MROH9: variants seen among roughly 807,000 people sequenced by gnomAD.
MROH9 encodes maestro heat-like repeat-containing protein family member 9.
A neutral mutation model predicts 98.2 loss-of-function variants in MROH9; 92 were observed. The ratio of observed to expected loss-of-function variants is 0.94; its 90% CI spans 0.79 to 1.11. The LOEUF (loss-of-function observed/expected upper bound fraction) is 1.11, where lower values mean the gene tolerates loss of function less well. Among genes scored for constraint, MROH9 ranks in the 50% most tolerant of loss-of-function variants. The probability of loss-of-function intolerance (pLI) is 0.00; values close to 1 mark genes in which losing one functional copy is unlikely to be tolerated. For synonymous variants in MROH9, 397 were observed against 368.9 expected, an observed-to-expected ratio of 1.08 and a Z score of -0.87; for missense variants, 1,057 against 1,014.8, an observed-to-expected ratio of 1.04 and a Z score of -0.57.
At chr1:171,039,356 A>G (rs935040210) in intron 20 of MROH9, among the ~76,000 whole-genome samples, 4 of 152,148 alleles carry the variant, frequency 2.6e-5, no homozygotes, top group Admixed American at 1.3e-4. Context: ...TTTCTCTCTC[A>G]TGCAATAGTC....
intron 11 of MROH9, among the ~76,000 whole-genome samples, chr1:170,991,111 C>T (rs1213171730): frequency 6.6e-6 from 1 of 152,020 alleles, no homozygotes; most frequent in East Asian, 1.9e-4. Context: ...CTAAAAATTG[C>T]CAATAAATCT....
intron 15 of MROH9, among the ~76,000 whole-genome samples, chr1:171,002,095 C>T (rs926971685): frequency 2.6e-5 from 4 of 152,054 alleles, no homozygotes; most frequent in African/African-American, 9.7e-5. Context: ...GCATGAAATC[C>T]CTTTTTCCAT....
intron 14 of MROH9, 40 bp from the exon 15 acceptor site, chr1:170,998,114 T>G (rs1436865038): frequency 6.7e-7 from 1 of 1,485,954 alleles, no homozygotes; most frequent in Non-Finnish European, 9.1e-7. Flanking sequence ...AGCATGGTGT[T>G]TTCTCCTTTG....
In MROH9 at chr1:171,025,352, C is replaced by T. The variant is rs866998262; in HGVS notation, c.2213C>T (p.Thr738Ile). 6.5e-7 allele frequency: 1 copy of T among 1,549,618 alleles called. No individual in the cohort carries two copies. The highest frequency in any genetic ancestry group is 1.7e-4 in the Middle Eastern group (1 of 5,964). ...ISHRNYITDL[T>I]SDTLRFLWSP... ...CATAGGAACTACATTACAGATTTGA[C>T]ATCTGATACCTTACGATTCCTGTGG... Residue 738 changes from threonine to isoleucine, a missense_variant, in exon 20 of 22, where the codon ACA (threonine) becomes ATA (isoleucine). Coordinates refer to ENST00000367759, the MANE Select transcript of MROH9 (RefSeq NM_001163629.2).
At chr1:171,052,136 T>C (rs968088502) in intron 20 of MROH9, among the ~76,000 whole-genome samples, 1 of 152,222 alleles carries the variant, frequency 6.6e-6, no homozygotes, top group African/African-American at 2.4e-5. Flanking sequence ...ATGTTTCCAA[T>C]AATTTACACA....
At chr1:170,946,382 A>G (rs1159542005) in intron 2 of MROH9, among the ~76,000 whole-genome samples, 4 of 152,016 alleles carry the variant, frequency 2.6e-5, no homozygotes, top group African/African-American at 9.7e-5. Flanking sequence ...AAAGACTGCT[A>G]AACTGTTAGA....
intron 14 of MROH9, among the ~76,000 whole-genome samples, chr1:170,997,644 G>T (rs1425181307): frequency 6.6e-6 from 1 of 152,168 alleles, no homozygotes; most frequent in Non-Finnish European, 1.5e-5. Flanking sequence ...AGGCCACCAT[G>T]TCAGTACAAG....
intron 9 of MROH9, among the ~76,000 whole-genome samples, chr1:170,985,744 G>T (rs1397556180): frequency 6.7e-6 from 1 of 149,400 alleles, no homozygotes; most frequent in Non-Finnish European, 1.5e-5. Context: ...TCCAAGCCTT[G>T]GTTACCCCCC....
At chr1:170,966,345 T>C (rs1650234849) in intron 7 of MROH9, among the ~76,000 whole-genome samples, 1 of 152,072 alleles carries the variant, frequency 6.6e-6, no homozygotes, top group African/African-American at 2.4e-5. Context: ...AACCTTATAC[T>C]ACCTATGAAC....
At chr1:171,025,968 T>C (rs185092336) in intron 20 of MROH9, among the ~76,000 whole-genome samples, 2 of 152,304 alleles carry the variant, frequency 1.3e-5, no homozygotes, top group East Asian at 3.9e-4. Context: ...TTATTCTTTA[T>C]TTTGGAATTC....
At chr1:171,010,099 G>A (rs61816860) in intron 15 of MROH9, among the ~76,000 whole-genome samples, 13,921 of 151,920 alleles carry the variant, frequency 0.092, 756 homozygotes, top group Middle Eastern at 0.17. Context: ...CCTTCCCCTA[G>A]CCCCCAACTC....
chr1:170,954,584 C>T (rs776922155), intron 3 of MROH9, among the ~76,000 whole-genome samples: 6 of 151,868 alleles, frequency 4.0e-5, no homozygotes, highest in Non-Finnish European at 8.8e-5. Flanking sequence ...ACTGTTTTCC[C>T]ATGTGGTTGT....
chr1:171,040,159 C>G (rs1330940397), intron 20 of MROH9, among the ~76,000 whole-genome samples: 3 of 151,788 alleles, frequency 2.0e-5, no homozygotes, highest in Non-Finnish European at 4.4e-5. Context: ...TTTAAAAAGT[C>G]AAATAGATAG....
chr1:171,016,239 C>G lies in MROH9; in HGVS notation c.1811C>G (p.Ala604Gly). 6.5e-7 allele frequency: 1 copy of G among 1,540,650 alleles called. No homozygotes were observed. Among genetic ancestry groups the G allele is most frequent in the East Asian group, 2.5e-5 (1 of 40,138 alleles). Reference protein sequence around the residue: ...LSKDDNVVLQALLTLRRLLNE... With the variant: ...LSKDDNVVLQGLLTLRRLLNE... Reference sequence around the variant, plus strand: ...AAAGACGATAATGTTGTACTTCAGGCCTTGCTCACCCTTAGAAGGCTTTTA... The same window carrying G: ...AAAGACGATAATGTTGTACTTCAGGGCTTGCTCACCCTTAGAAGGCTTTTA... Residue 604 changes from alanine (A) to glycine (G), a missense_variant, in exon 17 of 22, where the codon GCC (alanine) becomes GGC (glycine). Ala to Gly is a moderately conservative substitution (Grantham distance 60). Transcript: ENST00000367759.
chr1:170,946,660 A>G (rs1481406563), intron 2 of MROH9, among the ~76,000 whole-genome samples: 1 of 152,044 alleles, frequency 6.6e-6, no homozygotes, highest in African/African-American at 2.4e-5. Flanking sequence ...TCTGAAATAA[A>G]AAGTTATTTT....
chr1:171,009,831 A>G (rs1454563866), intron 15 of MROH9, among the ~76,000 whole-genome samples: 1 of 152,268 alleles, frequency 6.6e-6, no homozygotes, highest in Non-Finnish European at 1.5e-5. Flanking sequence ...CCACAACCCA[A>G]AGAAGGGCTA....
chr1:170,987,205 A>T (rs1172273389), intron 10 of MROH9, among the ~76,000 whole-genome samples: 1 of 152,210 alleles, frequency 6.6e-6, no homozygotes, highest in Non-Finnish European at 1.5e-5. Flanking sequence ...AATTTTAGAG[A>T]GTAAGTAATG....
At chr1:171,037,598 T>C (rs1191319735) in intron 20 of MROH9, among the ~76,000 whole-genome samples, 1 of 151,960 alleles carries the variant, frequency 6.6e-6, no homozygotes, top group Admixed American at 6.6e-5. Context: ...TTCTTCAACA[T>C]TGCTTGCTGA....
chr1:170,993,510 C>T (rs1299056674), intron 12 of MROH9, among the ~76,000 whole-genome samples: 1 of 152,174 alleles, frequency 6.6e-6, no homozygotes, highest in Non-Finnish European at 1.5e-5. Context: ...AGTATTGTTT[C>T]CTCCAAATCT....
Sources: gnomAD v4.1 joint callset for allele counts (sites outside exome capture counted in the v4.1 genomes callset) on GRCh38, gnomAD v4.1.1 for gene constraint, MANE v1.5 for transcripts, NCBI Gene and HGNC (gene_info 2026-07-23, HGNC 2026-07-21) for gene names.